The following HEPHL1 variants were observed in gnomAD, a reference collection of about 807,000 sequenced individuals.
The protein encoded by HEPHL1 is ferroxidase HEPHL1.
In HEPHL1, 123 loss-of-function variants were observed where a neutral mutation model predicts 122.0. The observed-to-expected ratio is 1.01, with a 90% CI of 0.87 to 1.17. The LOEUF (loss-of-function observed/expected upper bound fraction) is 1.17, where lower values mean the gene tolerates loss of function less well. HEPHL1 is among the 50% of genes most tolerant of loss of function. HEPHL1 has a pLI of 0.00. For synonymous variants in HEPHL1, 527 were observed against 508.9 expected (o/e 1.04, Z -0.48); for missense variants, 1,452 against 1,430.5 (o/e 1.01, Z -0.24).
chr11:94,057,014 G>A (rs1336790058), intron 2 of HEPHL1, among the ~76,000 whole-genome samples: 20 of 151,936 alleles, frequency 1.3e-4, no homozygotes, highest in Admixed American at 1.0e-3. Flanking sequence ...TTGAGGGATC[G>A]TTTTGCTGGA....
At chr11:94,070,660 G>A in intron 6 of HEPHL1, 118 bp downstream of exon 6, 1 of 756,866 alleles carries the variant, frequency 1.3e-6, no homozygotes, top group Non-Finnish European at 2.1e-6. Flanking sequence ...TGCATAGATG[G>A]CATAATGTAG....
At position 94,100,399 on chromosome 11, in the gene HEPHL1, T is replaced by C. The variant is rs543253071; in HGVS notation, c.2435-796T>C. ...TTCTGAAATGGGAGTCTACTGACCA[T>C]GAAGCAGTGCACAAGTCATGCTGCC... is the stretch of plus-strand genomic sequence containing the variant. On this transcript the variant is annotated intron_variant, in intron 13 of 19. Coordinates refer to ENST00000315765, the MANE Select transcript of HEPHL1 (RefSeq NM_001098672.2). Among the ~76,000 whole-genome samples, 7 of 152,276 alleles carry C rather than the reference T, an allele frequency of 4.6e-5. No individual in the cohort carries two copies. In the East Asian group the frequency reaches 1.4e-3, roughly 29 times the overall value.
At chr11:94,041,278 C>T (rs1486174792) in intron 1 of HEPHL1, among the ~76,000 whole-genome samples, 10 of 148,992 alleles carry the variant, frequency 6.7e-5, no homozygotes, top group East Asian at 2.0e-4. Flanking sequence ...GAATCAATAT[C>T]GTGAAAATGG....
At chr11:94,032,557 A>C (rs1316533601) in intron 1 of HEPHL1, among the ~76,000 whole-genome samples, 5 of 152,196 alleles carry the variant, frequency 3.3e-5, no homozygotes, top group African/African-American at 1.2e-4. Context: ...GCAGGTCCCA[A>C]CAGTCTTTGG....
At chr11:94,031,225 G>A (rs190830711) in intron 1 of HEPHL1, among the ~76,000 whole-genome samples, 100 of 151,674 alleles carry the variant, frequency 6.6e-4, no homozygotes, top group African/African-American at 2.1e-3. Flanking sequence ...CTTCTCCTCC[G>A]TCCTCCCTCC....
At chr11:94,097,006 G>GTC (rs1269987753) in intron 13 of HEPHL1, among the ~76,000 whole-genome samples, 2 of 152,032 alleles carry the variant, frequency 1.3e-5, no homozygotes, top group Non-Finnish European at 2.9e-5. Context: ...GGTTTTTTGT[G>GTC]TCTCTCTCTC....
chr11:94,098,569 G>A (rs137974204), intron 13 of HEPHL1, among the ~76,000 whole-genome samples: 4,016 of 152,212 alleles, frequency 0.026, 188 homozygotes, highest in African/African-American at 0.092. Context: ...TGCCTTGCTA[G>A]GTTGGGGAAG....
intron 10 of HEPHL1, 32 bp downstream of exon 10, chr11:94,082,600 A>G: frequency 6.3e-7 from 1 of 1,585,082 alleles, no homozygotes. Flanking sequence ...CCTGTAAATG[A>G]AAGGCTGACT....
At chr11:94,066,186 C>T (rs1946033026) in intron 4 of HEPHL1, among the ~76,000 whole-genome samples, 1 of 150,722 alleles carries the variant, frequency 6.6e-6, no homozygotes, top group Non-Finnish European at 1.5e-5. Context: ...AGAGCAAGAC[C>T]CTGTCTCAAA....
In HEPHL1 at chr11:94,086,020, G is replaced by C. The variant is rs1364076085; in HGVS notation, c.1911G>C (p.Met637Ile). ...ATGGCAACCAGCCAGGCTTAAACATGTGTAAAAGGGATAGAGTTTCCTGGC... is the reference window on the plus strand; with the variant it reads ...ATGGCAACCAGCCAGGCTTAAACATCTGTAAAAGGGATAGAGTTTCCTGGC... ...YMYGNQPGLN[M>I]CKRDRVSWHL... is the part of the protein sequence containing the mutation. Residue 637 changes from methionine to isoleucine, a missense_variant, in exon 11 of 20, where the codon ATG becomes ATC. Physicochemically the swap from Met to Ile is conservative, Grantham distance 10 (BLOSUM62 1). Coordinates refer to ENST00000315765, the MANE Select transcript of HEPHL1 (RefSeq NM_001098672.2). 1 of 1,613,926 alleles carries C rather than the reference G, an allele frequency of 6.2e-7. No individual in the cohort carries two copies. The highest frequency in any genetic ancestry group is 1.1e-5 in the South Asian group (1 of 91,068).
chr11:94,067,643 G>T lies in HEPHL1; in HGVS notation c.956G>T (p.Arg319Leu). Residue 319 changes from arginine (R) to leucine (L), a missense_variant, in exon 5 of 20, where the codon CGG becomes CTG. Coordinates refer to ENST00000315765, the MANE Select transcript of HEPHL1 (RefSeq NM_001098672.2). The stretch of plus-strand genomic sequence containing the variant: ...AACACCTTCATCAGCAGAGGGCATC[G>T]GACTGATGTCGTCAACCTGTTCCCA... Reference protein sequence around the residue: ...YGNTFISRGHRTDVVNLFPAT... With the variant: ...YGNTFISRGHLTDVVNLFPAT... The T allele has an allele frequency of 6.2e-7, 1 of 1,613,682 alleles. No homozygotes were observed. Among genetic ancestry groups the T allele is most frequent in the Non-Finnish European group, 8.5e-7 (1 of 1,179,708 alleles).
chr11:94,082,682 C>CA, intron 10 of HEPHL1, 114 bp downstream of exon 10: 1 of 946,912 alleles, frequency 1.1e-6, no homozygotes, highest in South Asian at 1.8e-5. Flanking sequence ...TGTTCTTGGT[C>CA]ATGAGTAAGT....
rs1188575933 is a variant in HEPHL1, at chr11:94,086,173, G to A, written c.2064G>A (p.Met688Ile). The change falls in exon 11 of 20, where the codon ATG becomes ATA. Residue 688 changes from methionine (M) to isoleucine (I), a missense_variant. Coordinates refer to ENST00000315765, the MANE Select transcript of HEPHL1 (RefSeq NM_001098672.2). ...CCCACATGGCCACAACAGCATTCATGCAGCCAGACCATGCAGGTAAACTTG... is the reference window on the plus strand; with the variant it reads ...CCCACATGGCCACAACAGCATTCATACAGCCAGACCATGCAGGTAAACTTG... The part of the protein sequence containing the change: ...LFPHMATTAF[M>I]QPDHAGIFRV... The A allele has an allele frequency of 1.9e-6, 3 of 1,610,710 alleles. No homozygotes were observed. In the Admixed American group the frequency reaches 5.0e-5, roughly 27 times the overall value.
chr11:94,078,229 T>C (rs1329699338), intron 9 of HEPHL1, among the ~76,000 whole-genome samples: 1 of 152,022 alleles, frequency 6.6e-6, no homozygotes, highest in Non-Finnish European at 1.5e-5. Context: ...ATCTTAAACA[T>C]TGTGTGGCCT....
rs1384582431 is a variant in HEPHL1 at position 94,070,360 on chromosome 11, C to T, written c.1064-14C>T. 5.7e-6 allele frequency: 9 copies of T among 1,576,538 alleles called. No homozygotes were observed. In the African/African-American group the frequency reaches 6.7e-5, roughly 12 times the overall value. ...CATTTATGCCTCAGCTCGTGGTTTT[C>T]CTCTGTTCTGCAGCTGGTATGCTGG... is the stretch of plus-strand genomic sequence containing the variant. On this transcript the variant is annotated splice_polypyrimidine_tract_variant and intron_variant, in intron 5 of 19. Transcript: ENST00000315765.
chr11:94,067,297 T>C (rs1946042112), intron 4 of HEPHL1, among the ~76,000 whole-genome samples, 199 bp from the exon 5 acceptor site: 1 of 152,220 alleles, frequency 6.6e-6, no homozygotes, highest in South Asian at 2.1e-4. Context: ...GTGTTTTCTC[T>C]GGAAAAAGGC....
intron 1 of HEPHL1, among the ~76,000 whole-genome samples, chr11:94,035,820 T>C (rs1055383852): frequency 2.6e-5 from 4 of 152,210 alleles, no homozygotes; most frequent in Non-Finnish European, 5.9e-5. Context: ...CACTGCAAGC[T>C]CCGCCTCCTG....
chr11:94,027,448 A>G (rs2399749), intron 1 of HEPHL1, among the ~76,000 whole-genome samples: 31,500 of 152,160 alleles, frequency 0.21, 3,988 homozygotes, highest in African/African-American at 0.36. Flanking sequence ...TTTGGAGAGC[A>G]GGAGCCCTGG....
At chr11:94,066,040 C>CA (rs201943772) in intron 4 of HEPHL1, among the ~76,000 whole-genome samples, 2,530 of 151,548 alleles carry the variant, frequency 0.017, 75 homozygotes, top group African/African-American at 0.059. Context: ...AAACAAACAA[C>CA]AAAAAAAATC....
Sources: allele counts gnomAD v4.1 joint callset (sites outside exome capture counted in the v4.1 genomes callset), GRCh38; gene constraint gnomAD v4.1.1; transcripts MANE v1.5; gene names NCBI Gene and HGNC (gene_info 2026-07-23, HGNC 2026-07-21).